The following SVEP1 variants were observed in gnomAD, a reference collection of about 807,000 sequenced individuals.
The protein encoded by SVEP1 is sushi, von Willebrand factor type A, EGF and pentraxin domain containing 1.
In SVEP1, 164 loss-of-function variants were observed where a neutral mutation model predicts 367.3. The ratio of observed to expected loss-of-function variants is 0.45; its 90% CI spans 0.39 to 0.51. The LOEUF is 0.51. Among genes scored for constraint, SVEP1 ranks in the 20% least tolerant of loss-of-function variants. SVEP1 has a pLI of 0.00. For synonymous variants in SVEP1, 1,666 were observed against 1,611.6 expected, an observed-to-expected ratio of 1.03 and a Z score of -0.81; for missense variants, 4,117 against 4,425.3, an observed-to-expected ratio of 0.93 and a Z score of 1.98.
intron 1 of SVEP1, among the ~76,000 whole-genome samples, chr9:110,562,368 C>A (rs1588109922): frequency 6.6e-6 from 1 of 152,024 alleles, no homozygotes; most frequent in East Asian, 1.9e-4. Context: ...ATGAGTAACT[C>A]TATCATTTCA....
chr9:110,438,854 A>G (rs987649557), intron 27 of SVEP1, among the ~76,000 whole-genome samples: 1 of 152,210 alleles, frequency 6.6e-6, no homozygotes, highest in Admixed American at 6.5e-5. Context: ...TGGTGTCACT[A>G]AAAACAACTT....
intron 44 of SVEP1, among the ~76,000 whole-genome samples, chr9:110,379,114 G>T (rs574204387): frequency 1.3e-5 from 2 of 151,972 alleles, no homozygotes; most frequent in East Asian, 3.9e-4. Flanking sequence ...ATAATACTAG[G>T]GTGCCTCATT....
At chr9:110,540,774 A>G (rs1211024487) in intron 3 of SVEP1, among the ~76,000 whole-genome samples, 1 of 152,070 alleles carries the variant, frequency 6.6e-6, no homozygotes, top group East Asian at 1.9e-4. Flanking sequence ...CTGGTATTCA[A>G]GTTAGGATTT....
At position 110,549,942 on chromosome 9, in the gene SVEP1, T is replaced by C; in HGVS notation, c.694A>G (p.Asn232Asp). The C allele has an allele frequency of 3.7e-6, 6 of 1,614,020 alleles. No individual in the cohort carries two copies. In the African/African-American group the frequency reaches 5.3e-5, roughly 14 times the overall value. ...TCCTTTGGGGTGGAAGCCATGTCAT[T>C]CAGCTCTCGAATGTTCCCTTGCCAT... The part of the protein sequence containing the change: ...GIWQGNIREL[N>D]DMASTPKEEH... Residue 232 changes from asparagine (N) to aspartate (D), a missense_variant, in exon 2 of 48, where the codon AAT becomes GAT. Physicochemically the swap from Asn to Asp is conservative, Grantham distance 23. Coordinates refer to ENST00000374469, the MANE Select transcript of SVEP1 (RefSeq NM_153366.4).
chr9:110,483,522 A>G, intron 10 of SVEP1, 64 bp downstream of exon 10: 1 of 1,166,406 alleles, frequency 8.6e-7, no homozygotes. Context: ...CCCATTAAAA[A>G]GCTTTTTAAA....
chr9:110,487,303 A>G (rs180894211), intron 9 of SVEP1, among the ~76,000 whole-genome samples: 1 of 152,316 alleles, frequency 6.6e-6, no homozygotes, highest in Admixed American at 6.5e-5. Flanking sequence ...GTAGTCACTC[A>G]AGTACACATT....
intron 3 of SVEP1, among the ~76,000 whole-genome samples, chr9:110,542,108 G>A (rs1383965918): frequency 6.6e-6 from 1 of 151,998 alleles, no homozygotes; most frequent in African/African-American, 2.4e-5. Flanking sequence ...AGCTCTTTCT[G>A]TGTTGCGAAA....
At chr9:110,559,815 C>A (rs528692914) in intron 1 of SVEP1, among the ~76,000 whole-genome samples, 1 of 152,136 alleles carries the variant, frequency 6.6e-6, no homozygotes, top group Admixed American at 6.5e-5. Context: ...AAAGTTCCAA[C>A]AACAGGACAA....
chr9:110,407,335 C>G lies in SVEP1; in HGVS notation c.8265G>C (p.Arg2755Ser). ...TCCACTTTCTATTCTCTAGACAAAGCCTTAAGTCAGAGCCTGCTAGAATGT... is the reference window on the plus strand; with the variant it reads ...TCCACTTTCTATTCTCTAGACAAAGGCTTAAGTCAGAGCCTGCTAGAATGT... ...PGHILAGSDLRLCLENRKWSG... is the reference protein window; with the variant it reads ...PGHILAGSDLSLCLENRKWSG... The change falls in exon 38 of 48, where the codon AGG becomes AGC. Residue 2755 changes from arginine to serine, a missense_variant. By Grantham distance (110) the Arg-to-Ser change is moderately radical. This residue lies in a region of SVEP1 where 1,765 missense variants were observed against 1,781.1 expected (regional missense o/e 0.99). Transcript: ENST00000374469. The G allele has an allele frequency of 3.1e-6, 5 of 1,613,958 alleles. No homozygotes were observed. The highest frequency in any genetic ancestry group is 4.2e-6 in the Non-Finnish European group (5 of 1,179,880).
intron 29 of SVEP1, 134 bp downstream of exon 29, chr9:110,435,107 A>C (rs1828413757): frequency 2.1e-6 from 2 of 957,916 alleles, no homozygotes; most frequent in African/African-American, 3.4e-5. Flanking sequence ...GTAAATATGA[A>C]TTACTAGTTA....
chr9:110,392,013 C>T (rs113308529), intron 40 of SVEP1, among the ~76,000 whole-genome samples: 13 of 151,880 alleles, frequency 8.6e-5, no homozygotes, highest in African/African-American at 3.1e-4. Flanking sequence ...ATCATCAGCT[C>T]ACCTAGTTCT....
chr9:110,385,779 CTG>C (rs1441667963), intron 43 of SVEP1, 117 bp downstream of exon 43: 18 of 1,047,920 alleles, frequency 1.7e-5, no homozygotes, highest in Non-Finnish European at 2.2e-5. Flanking sequence ...AAGATGATAA[CTG>C]TGATAGCACA....
chr9:110,565,537 T>C (rs989097876), intron 1 of SVEP1, among the ~76,000 whole-genome samples: 19 of 152,192 alleles, frequency 1.2e-4, no homozygotes, highest in Non-Finnish European at 5.9e-5. Flanking sequence ...CAAGGACTGG[T>C]AGAAATATCT....
At chr9:110,559,405 G>A (rs573102969) in intron 1 of SVEP1, among the ~76,000 whole-genome samples, 3 of 152,078 alleles carry the variant, frequency 2.0e-5, no homozygotes, top group South Asian at 2.1e-4. Flanking sequence ...ATACAGTTGA[G>A]CATTTTTGAC....
intron 2 of SVEP1, among the ~76,000 whole-genome samples, chr9:110,548,688 C>T (rs1278833132): frequency 6.6e-6 from 1 of 152,100 alleles, no homozygotes; most frequent in East Asian, 1.9e-4. Flanking sequence ...AACTTAGATC[C>T]AAACCTGTTT....
intron 3 of SVEP1, among the ~76,000 whole-genome samples, chr9:110,529,497 C>T (rs1201470811): frequency 2.0e-5 from 3 of 151,966 alleles, no homozygotes; most frequent in Admixed American, 1.3e-4. Context: ...TAATAAGCAT[C>T]GGATGTTCTT....
At chr9:110,575,954 G>A (rs1476277210) in intron 1 of SVEP1, among the ~76,000 whole-genome samples, 1 of 152,164 alleles carries the variant, frequency 6.6e-6, no homozygotes, top group African/African-American at 2.4e-5. Flanking sequence ...TAGAAAGTTA[G>A]GGGGTGGGGG....
At chr9:110,413,725 A>C (rs577115248) in intron 36 of SVEP1, among the ~76,000 whole-genome samples, 1 of 152,078 alleles carries the variant, frequency 6.6e-6, no homozygotes, top group African/African-American at 2.4e-5. Context: ...AGATAGAACA[A>C]AAGATTAGGA....
At chr9:110,465,425 G>C (rs1020612320) in intron 18 of SVEP1, among the ~76,000 whole-genome samples, 8 of 152,110 alleles carry the variant, frequency 5.3e-5, no homozygotes, top group African/African-American at 1.7e-4. Context: ...CTAATGTGCT[G>C]CCTGACTGAA....
Sources: gnomAD v4.1 joint callset for allele counts (sites outside exome capture counted in the v4.1 genomes callset) on GRCh38, gnomAD v4.1.1 for gene constraint, gnomAD v4.1.1 regional missense constraint, MANE v1.5 for transcripts, NCBI Gene and HGNC (gene_info 2026-07-23, HGNC 2026-07-21) for gene names.